SBF2: variants seen among roughly 807,000 people sequenced by gnomAD.
SBF2 encodes SET binding factor 2, also known as myotubularin-related protein 13.
SBF2 carries 112 observed loss-of-function variants against 225.2 expected under a neutral mutation model. The ratio of observed to expected loss-of-function variants is 0.50; its 90% CI spans 0.43 to 0.58. The LOEUF (loss-of-function observed/expected upper bound fraction) is 0.58, where lower values mean the gene tolerates loss of function less well. Ranked by LOEUF, SBF2 falls within the 20% of genes least tolerant of loss-of-function variation. The probability of loss-of-function intolerance (pLI) is 0.00; values close to 1 mark genes in which losing one functional copy is unlikely to be tolerated. For synonymous variants in SBF2, 763 were observed against 773.3 expected, an observed-to-expected ratio of 0.99 and a Z score of 0.22; for missense variants, 1,996 against 2,206.2, an observed-to-expected ratio of 0.90 and a Z score of 1.91.
intron 2 of SBF2, among the ~76,000 whole-genome samples, chr11:10,069,251 T>C (rs956405952): frequency 3.9e-5 from 6 of 152,072 alleles, no homozygotes; most frequent in African/African-American, 1.4e-4. Context: ...GCCATGTTGG[T>C]TTGCTGCACC....
At chr11:10,208,485 T>C (rs1007535411) in intron 1 of SBF2, among the ~76,000 whole-genome samples, 2 of 151,776 alleles carry the variant, frequency 1.3e-5, no homozygotes, top group African/African-American at 4.8e-5. Flanking sequence ...AAACTGAAAA[T>C]TTACAAAGAC....
chr11:9,841,259 T>C lies in SBF2; in HGVS notation c.3256+1366A>G, dbSNP rs189384080. 3.3e-3 allele frequency among the ~76,000 whole-genome samples: 505 copies of C among 152,326 alleles called. 3 individuals are homozygous for C. Among genetic ancestry groups the C allele is most frequent in the South Asian group, 5.2e-3 (25 of 4,826 alleles). On this transcript the variant is annotated intron_variant, in intron 25 of 39. Coordinates refer to ENST00000256190, the MANE Select transcript of SBF2 (RefSeq NM_030962.4). The stretch of plus-strand genomic sequence containing the variant: ...ATTTTCAGAGGAGCAAAGAACATTA[T>C]ATAATTTGGTCTTTTAGTAGAATAA...
At chr11:10,284,518 A>G (rs1016734433) in intron 1 of SBF2, among the ~76,000 whole-genome samples, 1 of 152,040 alleles carries the variant, frequency 6.6e-6, no homozygotes, top group African/African-American at 2.4e-5. Flanking sequence ...CCTTCTTTCT[A>G]TATAATTCAA....
At chr11:10,196,860 A>ATTTTTTTTTTT (rs1288978130) in intron 1 of SBF2, among the ~76,000 whole-genome samples, 2 of 13,648 alleles carry the variant, frequency 1.5e-4, no homozygotes, top group Non-Finnish European at 3.2e-4. Context: ...ATATATATAT[A>ATTTTTTTTTTT]TATATATTTT....
chr11:10,177,139 C>T (rs1443443889), intron 2 of SBF2, among the ~76,000 whole-genome samples: 4 of 151,930 alleles, frequency 2.6e-5, no homozygotes, highest in Non-Finnish European at 5.9e-5. Flanking sequence ...CAAAATTCAA[C>T]AACTCTTCAT....
chr11:10,042,095 A>C (rs2134677919), intron 3 of SBF2, among the ~76,000 whole-genome samples: 1 of 152,294 alleles, frequency 6.6e-6, no homozygotes, highest in Middle Eastern at 3.4e-3. Flanking sequence ...ATATTCTAGC[A>C]CAACTATGGT....
chr11:10,006,644 T>C (rs1314655241), intron 6 of SBF2, among the ~76,000 whole-genome samples: 1 of 152,188 alleles, frequency 6.6e-6, no homozygotes, highest in Non-Finnish European at 1.5e-5. Context: ...CAAATAAATG[T>C]TACCCTCTCA....
intron 2 of SBF2, among the ~76,000 whole-genome samples, chr11:10,170,000 G>A (rs1270462593): frequency 6.6e-6 from 1 of 152,072 alleles, no homozygotes; most frequent in East Asian, 1.9e-4. Flanking sequence ...TGTCTATTCA[G>A]ATCTTTTGCC....
At chr11:9,837,124 C>T (rs1025112251) in intron 26 of SBF2, among the ~76,000 whole-genome samples, 6 of 152,104 alleles carry the variant, frequency 3.9e-5, no homozygotes, top group African/African-American at 1.4e-4. Flanking sequence ...TAGTACAACA[C>T]TGAATAGAAA....
At chr11:9,799,085 A>G (rs1400208780) in intron 32 of SBF2, among the ~76,000 whole-genome samples, 1 of 152,164 alleles carries the variant, frequency 6.6e-6, no homozygotes, top group African/African-American at 2.4e-5. Flanking sequence ...GATGATTCTG[A>G]CATTTAATCT....
intron 1 of SBF2, among the ~76,000 whole-genome samples, chr11:10,239,805 G>C (rs1033455199): frequency 1.3e-5 from 2 of 152,138 alleles, no homozygotes; most frequent in African/African-American, 4.8e-5. Context: ...ATAATGTATA[G>C]AAAAGTATTG....
At chr11:9,877,860 T>C (rs899683047) in intron 17 of SBF2, among the ~76,000 whole-genome samples, 3 of 152,208 alleles carry the variant, frequency 2.0e-5, no homozygotes, top group African/African-American at 7.2e-5. Context: ...TAAATTTACG[T>C]GTGCATGTGT....
At chr11:10,270,720 G>A (rs1003123251) in intron 1 of SBF2, among the ~76,000 whole-genome samples, 3 of 152,070 alleles carry the variant, frequency 2.0e-5, no homozygotes, top group African/African-American at 7.2e-5. Flanking sequence ...GAGGACGGGC[G>A]CGGTGGCTCA....
At chr11:9,800,456 G>C (rs1231473968) in intron 32 of SBF2, among the ~76,000 whole-genome samples, 1 of 151,188 alleles carries the variant, frequency 6.6e-6, no homozygotes, top group Non-Finnish European at 1.5e-5. Context: ...GCCCAGGCTG[G>C]AGTGCAGTGG....
intron 17 of SBF2, among the ~76,000 whole-genome samples, chr11:9,872,736 C>A (rs145077547): frequency 1.3e-5 from 2 of 152,026 alleles, no homozygotes; most frequent in Non-Finnish European, 2.9e-5. Flanking sequence ...GTATTTTTGG[C>A]TGGGTGCAAT....
rs372328130 is a variant in SBF2 at position 10,010,489 on chromosome 11, T to C, written c.620-7800A>G. Among the ~76,000 whole-genome samples the C allele has an allele frequency of 3.9e-5, 6 of 152,358 alleles. No homozygotes were observed. The East Asian group carries it at 9.6e-4, about 24-fold the overall frequency. ...AGTTTTCCCAACACCATTTATTAAA[T>C]AGGGAATCCTTCCTCCATTGCTTGT... On this transcript the variant is annotated intron_variant, in intron 6 of 39. Transcript: ENST00000256190.
chr11:9,940,377 C>G (rs758563016), intron 16 of SBF2, among the ~76,000 whole-genome samples: 69 of 150,704 alleles, frequency 4.6e-4, no homozygotes, highest in Admixed American at 7.4e-4. Flanking sequence ...TGCACTCCAG[C>G]CTGGGCAACA....
At chr11:9,797,964 C>A (rs1853234604) in intron 32 of SBF2, among the ~76,000 whole-genome samples, 1 of 151,834 alleles carries the variant, frequency 6.6e-6, no homozygotes. Flanking sequence ...CAGAGTGAGA[C>A]CCTGTCTCTG....
intron 32 of SBF2, among the ~76,000 whole-genome samples, chr11:9,806,371 A>G (rs933747297): frequency 2.0e-4 from 31 of 152,262 alleles, no homozygotes; most frequent in Admixed American, 1.6e-3. Flanking sequence ...GTCTAGTCCA[A>G]TTGATAAGCA....
Sources: gnomAD v4.1 joint callset for allele counts (sites outside exome capture counted in the v4.1 genomes callset) on GRCh38, gnomAD v4.1.1 for gene constraint, MANE v1.5 for transcripts, NCBI Gene and HGNC (gene_info 2026-07-23, HGNC 2026-07-21) for gene names.